The following ADAMTSL1 variants were observed in gnomAD, a reference collection of about 807,000 sequenced individuals.
ADAMTSL1 encodes ADAMTS like 1.
A neutral mutation model predicts 201.8 loss-of-function variants in ADAMTSL1; 126 were observed. The ratio of observed to expected loss-of-function variants is 0.62; its 90% CI spans 0.54 to 0.72. The LOEUF (loss-of-function observed/expected upper bound fraction) is 0.72, where lower values mean the gene tolerates loss of function less well. Among genes scored for constraint, ADAMTSL1 ranks in the 30% least tolerant of loss-of-function variants. ADAMTSL1 has a pLI of 0.00. For missense variants in ADAMTSL1, 2,679 were observed against 2,277.8 expected (o/e 1.18, Z -3.59); for synonymous variants, 1,121 against 903.4 (o/e 1.24, Z -4.32).
chr9:18,375,371 T>C (rs1837242534), intron 2 of ADAMTSL1, among the ~76,000 whole-genome samples: 1 of 152,160 alleles, frequency 6.6e-6, no homozygotes, highest in Admixed American at 6.5e-5. Context: ...TACTTTAAGT[T>C]CTAGGGTACA....
chr9:18,790,900 A>C (rs938460410), intron 19 of ADAMTSL1, among the ~76,000 whole-genome samples: 37 of 152,300 alleles, frequency 2.4e-4, no homozygotes, highest in African/African-American at 7.7e-4. Context: ...ACCACTTGCT[A>C]TGTAGGTCTT....
chr9:17,986,848 A>G (rs1818948140), intron 1 of ADAMTSL1, among the ~76,000 whole-genome samples: 1 of 152,130 alleles, frequency 6.6e-6, no homozygotes, highest in Admixed American at 6.6e-5. Context: ...CTCATACTCC[A>G]TTTGACACTA....
Position 18,559,826 on chromosome 9 carries a change from A to G in ADAMTSL1, c.238-14204A>G, listed in dbSNP as rs189333764. Among the ~76,000 whole-genome samples, 513 of 152,040 alleles carry G rather than the reference A, an allele frequency of 3.4e-3. 3 individuals are homozygous for G. Among genetic ancestry groups the G allele is most frequent in the Non-Finnish European group, 5.2e-3 (356 of 67,892 alleles). On this transcript the variant is annotated intron_variant, in intron 3 of 28. Transcript: ENST00000380548. ...TCTCCATTTGTCTATTATTGGTATA[A>G]AGGAATGCTTGTGATTTTTGTACAT...
At chr9:18,596,786 C>A (rs2132511990) in intron 4 of ADAMTSL1, among the ~76,000 whole-genome samples, 1 of 152,286 alleles carries the variant, frequency 6.6e-6, no homozygotes, top group Admixed American at 6.5e-5. Context: ...AGAAATGCAA[C>A]TATGAGTACA....
chr9:18,121,325 G>A (rs545645524), intron 1 of ADAMTSL1, among the ~76,000 whole-genome samples: 4 of 152,142 alleles, frequency 2.6e-5, no homozygotes, highest in African/African-American at 7.2e-5. Flanking sequence ...CAGTTACACC[G>A]ACAAAAAACT....
At chr9:18,617,336 A>G (rs1242413947) in intron 4 of ADAMTSL1, among the ~76,000 whole-genome samples, 1 of 152,204 alleles carries the variant, frequency 6.6e-6, no homozygotes, top group Non-Finnish European at 1.5e-5. Flanking sequence ...TTCAGTGTCT[A>G]GAGAATTTCA....
intron 1 of ADAMTSL1, among the ~76,000 whole-genome samples, chr9:18,108,475 C>G (rs1248637453): frequency 6.6e-6 from 1 of 151,982 alleles, no homozygotes. Flanking sequence ...GTTGGGATTA[C>G]CAGGGTGAGC....
chr9:18,554,897 C>T (rs926022954), intron 3 of ADAMTSL1, among the ~76,000 whole-genome samples: 4 of 151,504 alleles, frequency 2.6e-5, no homozygotes, highest in South Asian at 4.2e-4. Context: ...CCATAGTTTA[C>T]GTCAAGGTTT....
chr9:17,929,165 C>T (rs1291290669), intron 1 of ADAMTSL1, among the ~76,000 whole-genome samples: 3 of 152,158 alleles, frequency 2.0e-5, no homozygotes, highest in Admixed American at 6.5e-5. Flanking sequence ...ATATTAATAG[C>T]TCCTCTTCAG....
In ADAMTSL1 at chr9:18,451,663, C is replaced by T. The variant is rs78468132; in HGVS notation, c.208-53166C>T. Among the ~76,000 whole-genome samples, 896 of 152,304 alleles carry T rather than the reference C, an allele frequency of 5.9e-3. 9 individuals carry two copies. Among genetic ancestry groups the T allele is most frequent in the African/African-American group, 0.021 (854 of 41,566 alleles). Reference sequence around the variant, plus strand: ...GTTACTAATTTACTCTATCTGAACTCGTTGTTTTGTTGCACACAGTTCTTC... The same window carrying T: ...GTTACTAATTTACTCTATCTGAACTTGTTGTTTTGTTGCACACAGTTCTTC... On this transcript the variant is annotated intron_variant, in intron 2 of 29. Coordinates refer to the ADAMTSL1 transcript ENST00000680146.
At chr9:18,221,790 CTTAGA>C (rs796742523) in intron 2 of ADAMTSL1, among the ~76,000 whole-genome samples, 1 of 152,030 alleles carries the variant, frequency 6.6e-6, no homozygotes, top group African/African-American at 2.4e-5. Context: ...ATATAAGTCC[CTTAGA>C]TTAATGTTAT....
intron 23 of ADAMTSL1, among the ~76,000 whole-genome samples, chr9:18,871,637 T>G (rs1045800270): frequency 2.6e-5 from 4 of 152,204 alleles, no homozygotes; most frequent in African/African-American, 7.2e-5. Flanking sequence ...ACTACATTTT[T>G]CCATCCACAG....
At chr9:18,746,660 T>C (rs1819163597) in intron 15 of ADAMTSL1, among the ~76,000 whole-genome samples, 1 of 151,922 alleles carries the variant, frequency 6.6e-6, no homozygotes, top group African/African-American at 2.4e-5. Context: ...ATTATGAACA[T>C]TTATACCAGC....
At chr9:18,095,379 C>T (rs1035675726) in intron 1 of ADAMTSL1, among the ~76,000 whole-genome samples, 2 of 146,820 alleles carry the variant, frequency 1.4e-5, no homozygotes, top group Admixed American at 6.8e-5. Flanking sequence ...CAATTTGACA[C>T]GTTTTTAGTA....
chr9:18,076,281 C>T (rs1041472), intron 1 of ADAMTSL1, among the ~76,000 whole-genome samples: 9,525 of 152,228 alleles, frequency 0.063, 389 homozygotes, highest in Non-Finnish European at 0.089. Context: ...GCTGTGCTAC[C>T]GGATTAATAC....
At chr9:18,461,470 C>A (rs909729700) in intron 2 of ADAMTSL1, among the ~76,000 whole-genome samples, 1 of 152,044 alleles carries the variant, frequency 6.6e-6, no homozygotes, top group African/African-American at 2.4e-5. Context: ...ACCTCACATA[C>A]ATTATTATGG....
At chr9:18,637,328 C>G (rs776758) in intron 6 of ADAMTSL1, among the ~76,000 whole-genome samples, 11,839 of 152,108 alleles carry the variant, frequency 0.078, 768 homozygotes, top group African/African-American at 0.18. Flanking sequence ...CACTAACTCT[C>G]CACTCAACTA....
At chr9:18,339,116 T>G (rs1485271669) in intron 2 of ADAMTSL1, among the ~76,000 whole-genome samples, 2 of 152,106 alleles carry the variant, frequency 1.3e-5, no homozygotes, top group African/African-American at 2.4e-5. Flanking sequence ...CAGAAACATA[T>G]TTAAACTAAA....
chr9:18,097,909 A>G (rs1410926741), intron 1 of ADAMTSL1, among the ~76,000 whole-genome samples: 1 of 151,830 alleles, frequency 6.6e-6, no homozygotes, highest in Non-Finnish European at 1.5e-5. Flanking sequence ...GCATTCTCCC[A>G]AAATGGTGAG....
Sources: allele counts gnomAD v4.1 joint callset (sites outside exome capture counted in the v4.1 genomes callset), GRCh38; gene constraint gnomAD v4.1.1; transcripts MANE v1.5; gene names NCBI Gene and HGNC (gene_info 2026-07-23, HGNC 2026-07-21).